Variants in USP15 observed in about 807,000 individuals in gnomAD.
USP15 encodes ubiquitin specific peptidase 15.
USP15 carries 18 observed loss-of-function variants against 127.1 expected under a neutral mutation model. The observed-to-expected ratio is 0.14, with a 90% confidence interval of 0.10 to 0.21. USP15 has a LOEUF of 0.21. USP15 is among the 10% of genes least tolerant of loss of function. The pLI, the probability that USP15 is intolerant of heterozygous loss-of-function variation, is 1.00. For synonymous variants in USP15, 364 were observed against 393.7 expected (o/e 0.92, Z 0.89); for missense variants, 805 against 1,159.9 (o/e 0.69, Z 4.44).
chr12:62,324,145 C>T (rs1436132379), intron 5 of USP15, among the ~76,000 whole-genome samples: 3 of 151,588 alleles, frequency 2.0e-5, no homozygotes, highest in African/African-American at 7.3e-5. Context: ...GAAATCTTTT[C>T]AAAAATATTT....
At chr12:62,284,386 G>A (rs1218038565) in intron 1 of USP15, among the ~76,000 whole-genome samples, 1 of 152,088 alleles carries the variant, frequency 6.6e-6, no homozygotes, top group East Asian at 1.9e-4. Flanking sequence ...ACAATGTGTG[G>A]GGGCTTTCAA....
In USP15 at chr12:62,408,586, A is replaced by G. The variant is rs2067952069; in HGVS notation, c.*4211A>G. 1 of 152,138 alleles carries G rather than the reference A, an allele frequency of 6.6e-6. No homozygotes were observed. Among genetic ancestry groups the G allele is most frequent in the Non-Finnish European group, 1.5e-5 (1 of 68,018 alleles). The allele number at this position is 152,138 out of a possible 1,614,324, so 9.4% of individuals were successfully genotyped here. Reference sequence around the variant, plus strand: ...AAATAAAAAATTTTTTGCTCTTTGAATAACTTAACATGAGGAATTTGGAAA... The same window carrying G: ...AAATAAAAAATTTTTTGCTCTTTGAGTAACTTAACATGAGGAATTTGGAAA... On this transcript the variant is annotated 3_prime_UTR_variant, in exon 22 of 22. Transcript: ENST00000280377.
intron 6 of USP15, among the ~76,000 whole-genome samples, chr12:62,347,333 A>G (rs2065849345): frequency 6.7e-6 from 1 of 150,090 alleles, no homozygotes; most frequent in South Asian, 2.1e-4. Context: ...AGACATACAC[A>G]GTGTGTGTGT....
chr12:62,367,666 AT>A (rs2066522298), intron 8 of USP15, among the ~76,000 whole-genome samples: 1 of 151,976 alleles, frequency 6.6e-6, no homozygotes, highest in Admixed American at 6.6e-5. Flanking sequence ...CCCCTTTATC[AT>A]TTTTTATTGC....
chr12:62,276,206 C>T lies in USP15; in HGVS notation c.89+15703C>T, dbSNP rs80339532. Among the ~76,000 whole-genome samples, 710 of 152,214 alleles carry T rather than the reference C, an allele frequency of 4.7e-3. 2 individuals carry two copies. Among genetic ancestry groups the T allele is most frequent in the Middle Eastern group, 0.01 (3 of 294 alleles). ...TTTAGATTATACATTGGTACATTTA[C>T]TTCATAACTTCTTTACAGGAACACA... On this transcript the variant is annotated intron_variant, in intron 1 of 21. Transcript: ENST00000280377.
At chr12:62,335,502 A>G in intron 6 of USP15, 1 of 1,177,678 alleles carries the variant, frequency 8.5e-7, no homozygotes, top group South Asian at 3.2e-5. Context: ...TATTTATCTC[A>G]ATGCTTCCTG....
intron 8 of USP15, among the ~76,000 whole-genome samples, chr12:62,355,806 T>G (rs1045010181): frequency 2.7e-5 from 4 of 148,812 alleles, no homozygotes; most frequent in African/African-American, 9.8e-5. Context: ...TCAGTAGAAG[T>G]CTGTTGCACT....
rs564023827 is a variant in USP15 at position 62,285,474 on chromosome 12, TTGTG to T, written c.90-8703_90-8700del. 2.8e-3 allele frequency among the ~76,000 whole-genome samples: 420 copies of T among 152,238 alleles called. 2 individuals are homozygous for T. Among genetic ancestry groups the T allele is most frequent in the African/African-American group, 9.5e-3 (395 of 41,564 alleles). On this transcript the variant is annotated intron_variant, in intron 1 of 21. Transcript: ENST00000280377. ...TTCCATGGTGTTTGTGTCTTTGTGT[TTGTG>T]TATGTGTGTGTGTACATGAGTGTGC...
intron 6 of USP15, chr12:62,335,799 CTTTCT>C: frequency 1.0e-6 from 1 of 985,240 alleles, no homozygotes. Context: ...TCTTATTTGT[CTTTCT>C]TTTAACCTAG....
At chr12:62,339,382 T>C (rs2065580703) in intron 6 of USP15, among the ~76,000 whole-genome samples, 1 of 152,170 alleles carries the variant, frequency 6.6e-6, no homozygotes, top group East Asian at 1.9e-4. Context: ...TACTCTTTAT[T>C]TCTTTCTCTT....
chr12:62,392,974 A>G, intron 18 of USP15, 79 bp from the exon 19 acceptor site: 1 of 1,522,176 alleles, frequency 6.6e-7, no homozygotes, highest in Non-Finnish European at 8.9e-7. Flanking sequence ...GAACTTTCCA[A>G]ACATTTTTGT....
chr12:62,289,674 G>A (rs1054110437), intron 1 of USP15, among the ~76,000 whole-genome samples: 3 of 146,870 alleles, frequency 2.0e-5, no homozygotes, highest in African/African-American at 7.7e-5. Flanking sequence ...CTGTTTCATT[G>A]GGTGTGACAT....
intron 8 of USP15, among the ~76,000 whole-genome samples, chr12:62,372,275 C>T (rs11174448): frequency 0.059 from 8,967 of 152,080 alleles, 377 homozygotes; most frequent in South Asian, 0.13. Context: ...GGACCATATA[C>T]GGTCCTGCAA....
At chr12:62,266,873 T>C (rs888693620) in intron 1 of USP15, among the ~76,000 whole-genome samples, 3 of 152,170 alleles carry the variant, frequency 2.0e-5, no homozygotes, top group Non-Finnish European at 2.9e-5. Context: ...ACATAGCCTT[T>C]AAAGTACATG....
chr12:62,354,197 A>G (rs1006086206), intron 7 of USP15, among the ~76,000 whole-genome samples: 7 of 151,870 alleles, frequency 4.6e-5, no homozygotes, highest in African/African-American at 1.7e-4. Context: ...TATAGTTCAC[A>G]TAAACTTTTA....
chr12:62,360,098 G>A (rs1001509033), intron 8 of USP15, among the ~76,000 whole-genome samples: 3 of 152,076 alleles, frequency 2.0e-5, no homozygotes, highest in Admixed American at 6.6e-5. Context: ...TAGTTTCCTG[G>A]ATGAAGCATC....
chr12:62,372,574 C>A (rs1302106838), intron 8 of USP15, among the ~76,000 whole-genome samples: 1 of 151,924 alleles, frequency 6.6e-6, no homozygotes, highest in Non-Finnish European at 1.5e-5. Flanking sequence ...TCCTGTATGC[C>A]TTTGCAGAAG....
At chr12:62,293,571 G>A (rs1223014246) in intron 1 of USP15, among the ~76,000 whole-genome samples, 1 of 152,092 alleles carries the variant, frequency 6.6e-6, no homozygotes, top group African/African-American at 2.4e-5. Flanking sequence ...GGCCAGGCTG[G>A]TCTTGAACTC....
At chr12:62,261,828 T>A (rs1245219360) in intron 1 of USP15, among the ~76,000 whole-genome samples, 4 of 152,228 alleles carry the variant, frequency 2.6e-5, no homozygotes, top group Non-Finnish European at 5.9e-5. Flanking sequence ...TAAGTCTTAG[T>A]CTCTTTTTTC....
Sources: allele counts gnomAD v4.1 joint callset (sites outside exome capture counted in the v4.1 genomes callset), GRCh38; gene constraint gnomAD v4.1.1; transcripts MANE v1.5; gene names NCBI Gene and HGNC (gene_info 2026-07-23, HGNC 2026-07-21).